Variants in CRACD observed in about 807,000 individuals in gnomAD.
CRACD encodes capping protein-inhibiting regulator of actin dynamics.
In CRACD, 56 loss-of-function variants were observed where a neutral mutation model predicts 106.8. The ratio of observed to expected loss-of-function variants is 0.52; its 90% confidence interval spans 0.42 to 0.66. CRACD has a LOEUF of 0.66. Among genes scored for constraint, CRACD ranks in the 30% least tolerant of loss-of-function variants. The pLI, the probability that CRACD is intolerant of heterozygous loss-of-function variation, is 0.00. For synonymous variants in CRACD, 754 were observed against 670.8 expected (o/e 1.12, Z -1.92); for missense variants, 1,730 against 1,623.2 (o/e 1.07, Z -1.13).
intron 1 of CRACD, among the ~76,000 whole-genome samples, chr4:56,118,621 A>G (rs557827537): frequency 6.6e-6 from 1 of 152,172 alleles, no homozygotes; most frequent in Non-Finnish European, 1.5e-5. Context: ...AAAAGAAGCC[A>G]GGTGCAGTGG....
chr4:56,116,590 T>C (rs1476876582), intron 1 of CRACD, among the ~76,000 whole-genome samples: 1 of 152,256 alleles, frequency 6.6e-6, no homozygotes, highest in Non-Finnish European at 1.5e-5. Flanking sequence ...GTTTGTCAAA[T>C]CTGTGCTCTA....
chr4:56,312,611 A>G (rs757916839), intron 6 of CRACD, among the ~76,000 whole-genome samples: 5 of 152,222 alleles, frequency 3.3e-5, no homozygotes, highest in Non-Finnish European at 7.3e-5. Flanking sequence ...TACAAAGATG[A>G]AAAAAGACAC....
intron 2 of CRACD, among the ~76,000 whole-genome samples, chr4:56,261,744 A>C (rs1457736849): frequency 6.6e-6 from 1 of 152,184 alleles, no homozygotes. Context: ...AAAAAACTAG[A>C]AAAACTAAAA....
chr4:56,298,923 G>A (rs58170971), intron 4 of CRACD, among the ~76,000 whole-genome samples: 70,940 of 151,774 alleles, frequency 0.47, 17,461 homozygotes, highest in East Asian at 0.88. Flanking sequence ...ACAGAGCAAG[G>A]CTCTCTCCCC....
Position 56,066,847 on chromosome 4 carries a change from G to C in CRACD, c.-336+17548G>C, listed in dbSNP as rs78401346. On this transcript the variant is annotated intron_variant, in intron 1 of 10. Coordinates refer to ENST00000682029, the MANE Select transcript of CRACD (RefSeq NM_001393381.1). ...TGCAGGAAATAATGAATGAATGAAT[G>C]CGTGTTCATGGGGTAGGTGGGTATT... Among the ~76,000 whole-genome samples the C allele has an allele frequency of 7.0e-4, 106 of 152,274 alleles. 2 individuals are homozygous for C. Among genetic ancestry groups the C allele is most frequent in the African/African-American group, 2.3e-3 (96 of 41,566 alleles).
intron 2 of CRACD, among the ~76,000 whole-genome samples, chr4:56,208,528 A>G (rs1738241423): frequency 6.6e-6 from 1 of 152,252 alleles, no homozygotes; most frequent in South Asian, 2.1e-4. Flanking sequence ...TTAGGTACAC[A>G]GGCCTTCTAC....
At chr4:56,242,230 T>C (rs1220053939) in intron 2 of CRACD, among the ~76,000 whole-genome samples, 2 of 152,056 alleles carry the variant, frequency 1.3e-5, no homozygotes, top group Non-Finnish European at 2.9e-5. Flanking sequence ...GAAAATGAAA[T>C]AGAATTAGTG....
chr4:56,274,616 T>A (rs1742567308), intron 3 of CRACD, among the ~76,000 whole-genome samples: 1 of 152,242 alleles, frequency 6.6e-6, no homozygotes, highest in African/African-American at 2.4e-5. Context: ...ATGTCACCTG[T>A]CCTCGTTATT....
rs115671973 is a variant in CRACD, at chr4:56,104,137, C to T, written c.-336+54838C>T. Among the ~76,000 whole-genome samples the T allele has an allele frequency of 9.8e-3, 1,489 of 152,274 alleles. 24 individuals are homozygous for T. Among genetic ancestry groups the T allele is most frequent in the African/African-American group, 0.034 (1,420 of 41,534 alleles). Reference sequence around the variant, plus strand: ...ATTGTCTTCGCGCAGTAGCTCATGCCGGTGATCCCGGAGCTTTGGGAGGCC... The same window carrying T: ...ATTGTCTTCGCGCAGTAGCTCATGCTGGTGATCCCGGAGCTTTGGGAGGCC... On this transcript the variant is annotated intron_variant, in intron 1 of 10. Transcript: ENST00000682029.
chr4:56,319,338 C>T (rs1745898033), intron 8 of CRACD, among the ~76,000 whole-genome samples: 1 of 152,166 alleles, frequency 6.6e-6, no homozygotes, highest in East Asian at 1.9e-4. Context: ...GACGTGGTGG[C>T]TTACACCTGT....
intron 1 of CRACD, among the ~76,000 whole-genome samples, chr4:56,096,687 C>T (rs1016616607): frequency 1.3e-5 from 2 of 150,852 alleles, no homozygotes; most frequent in African/African-American, 2.4e-5. Context: ...GTTGAGAGGT[C>T]GAGTGTGATG....
chr4:56,222,817 G>A (rs936026906), intron 2 of CRACD, among the ~76,000 whole-genome samples: 1 of 151,366 alleles, frequency 6.6e-6, no homozygotes, highest in African/African-American at 2.4e-5. Flanking sequence ...AAAAAGCACC[G>A]CAAAAATTAG....
chr4:56,307,754 G>C, intron 5 of CRACD, 55 bp downstream of exon 5: 6 of 1,572,324 alleles, frequency 3.8e-6, no homozygotes, highest in Non-Finnish European at 5.2e-6. Flanking sequence ...CAGGACATTG[G>C]GCCTCCAGTA....
At chr4:56,246,435 T>G (rs1296064446) in intron 2 of CRACD, 1 of 152,224 alleles carries the variant, frequency 6.6e-6, no homozygotes, top group East Asian at 1.9e-4. Flanking sequence ...ACAGGGGTTC[T>G]CAGAGCAACT....
At chr4:56,294,344 T>C (rs1743867513) in intron 3 of CRACD, among the ~76,000 whole-genome samples, 1 of 152,088 alleles carries the variant, frequency 6.6e-6, no homozygotes, top group South Asian at 2.1e-4. Flanking sequence ...AATTAAAAAA[T>C]TAGAAAATAG....
At chr4:56,178,315 T>C (rs990458493) in intron 1 of CRACD, among the ~76,000 whole-genome samples, 1 of 152,162 alleles carries the variant, frequency 6.6e-6, no homozygotes, top group African/African-American at 2.4e-5. Flanking sequence ...AATAGCCACT[T>C]TCTGCTAGGT....
At chr4:56,060,398 A>G (rs1026686277) in intron 1 of CRACD, among the ~76,000 whole-genome samples, 2 of 152,136 alleles carry the variant, frequency 1.3e-5, no homozygotes, top group Non-Finnish European at 2.9e-5. Context: ...GTAACAGGGT[A>G]GAATAAGGGA....
intron 1 of CRACD, among the ~76,000 whole-genome samples, chr4:56,177,672 T>C (rs989649520): frequency 2.6e-5 from 4 of 152,236 alleles, no homozygotes; most frequent in African/African-American, 9.6e-5. Flanking sequence ...GAGAGACTTT[T>C]TATTGCTACT....
rs35378328 is a variant in CRACD, at chr4:56,307,688, G to A, written c.274G>A (p.Ala92Thr). ...VTQQDIVLSD[A>T]ENKSSDTPSS... ...TCAGCAGGACATCGTCCTCTCAGAC[G>A]CAGAGAACAAGGTAAGTCTCCTCCA... Residue 92 changes from alanine (A) to threonine (T), a missense_variant, in exon 5 of 11, where the codon GCA becomes ACA. Coordinates refer to ENST00000682029, the MANE Select transcript of CRACD (RefSeq NM_001393381.1). 25,478 of 1,614,014 alleles carry A rather than the reference G, an allele frequency of 0.016. 275 individuals carry two copies. The highest frequency in any genetic ancestry group is 0.02 in the Non-Finnish European group (23,254 of 1,179,982).
Sources: gnomAD v4.1 joint callset for allele counts (sites outside exome capture counted in the v4.1 genomes callset) on GRCh38, gnomAD v4.1.1 for gene constraint, MANE v1.5 for transcripts, NCBI Gene and HGNC (gene_info 2026-07-23, HGNC 2026-07-21) for gene names.